ACSBG1: variants seen among roughly 807,000 people sequenced by gnomAD.
The protein encoded by ACSBG1 is long-chain-fatty-acid--CoA ligase ACSBG1.
In ACSBG1, 39 loss-of-function variants were observed where a neutral mutation model predicts 80.2. The observed-to-expected ratio is 0.49, with a 90% CI of 0.38 to 0.64. The LOEUF is 0.64. Ranked by LOEUF, ACSBG1 falls within the 30% of genes least tolerant of loss-of-function variation. ACSBG1 has a pLI of 0.00. For missense variants in ACSBG1, 828 were observed against 966.4 expected, an observed-to-expected ratio of 0.86 and a Z score of 1.90; for synonymous variants, 392 against 379.5, an observed-to-expected ratio of 1.03 and a Z score of -0.38.
intron 1 of ACSBG1, among the ~76,000 whole-genome samples, chr15:78,229,227 C>T (rs1335900714): frequency 6.6e-6 from 1 of 152,090 alleles, no homozygotes; most frequent in African/African-American, 2.4e-5. Context: ...TAGCGCAATG[C>T]CTGATTATTC....
chr15:78,206,039 C>A (rs1274784220), intron 2 of ACSBG1, among the ~76,000 whole-genome samples: 1 of 150,152 alleles, frequency 6.7e-6, no homozygotes, highest in African/African-American at 2.4e-5. Flanking sequence ...CCAAGGACAC[C>A]AGGGCTGCAG....
Position 78,215,751 on chromosome 15 carries a change from A to AAAGAAAGAAAGAAAGG in ACSBG1, c.132-7650_132-7649insCCTTTCTTTCTTTCTT, listed in dbSNP as rs2075304966. Among the ~76,000 whole-genome samples the AAAGAAAGAAAGAAAGG allele has an allele frequency of 3.4e-5, 5 of 148,778 alleles. 1 individual carries two copies. Among genetic ancestry groups the AAAGAAAGAAAGAAAGG allele is most frequent in the Admixed American group, 3.3e-4 (5 of 15,052 alleles). ...GAAAGAAAGAAAGAAAGAAAGAAAG[A>AAAGAAAGAAAGAAAGG]AAGAAAGAAAGAAAGAAAGAAAGAA... On this transcript the variant is annotated intron_variant, in intron 1 of 13. Transcript: ENST00000258873.
chr15:78,228,573 G>A (rs1384343179), intron 1 of ACSBG1, among the ~76,000 whole-genome samples: 5 of 152,164 alleles, frequency 3.3e-5, no homozygotes, highest in South Asian at 2.1e-4. Flanking sequence ...GAGGACTACC[G>A]CTGGCTTGGG....
intron 8 of ACSBG1, 125 bp from the exon 9 acceptor site, chr15:78,181,061 C>A (rs1012032175): frequency 9.1e-7 from 1 of 1,097,712 alleles, no homozygotes; most frequent in East Asian, 2.6e-5. Flanking sequence ...CACACCTGCA[C>A]GCAAGGGTGG....
At chr15:78,193,897 C>T (rs754136740) in intron 4 of ACSBG1, 35 bp downstream of exon 4, 4 of 1,609,724 alleles carry the variant, frequency 2.5e-6, no homozygotes, top group Admixed American at 1.7e-5. Flanking sequence ...CACTGCCAAC[C>T]CCCTGGAGAC....
intron 1 of ACSBG1, among the ~76,000 whole-genome samples, chr15:78,233,940 C>T (rs1487709487): frequency 1.3e-5 from 2 of 152,240 alleles, no homozygotes; most frequent in Admixed American, 1.3e-4. Flanking sequence ...AGGGAAGCTA[C>T]AGCCCACGGA....
At chr15:78,180,364 AG>A (rs761607452) in intron 9 of ACSBG1, among the ~76,000 whole-genome samples, 22 of 152,342 alleles carry the variant, frequency 1.4e-4, no homozygotes, top group Non-Finnish European at 2.8e-4. Context: ...AAAGATAGAA[AG>A]GGCAAAATAT....
intron 2 of ACSBG1, among the ~76,000 whole-genome samples, chr15:78,199,366 T>C (rs533584003): frequency 1.2e-3 from 176 of 150,546 alleles, no homozygotes; most frequent in South Asian, 3.3e-3. Context: ...ATTACAGGCA[T>C]GAGCCACTGT....
intron 1 of ACSBG1, among the ~76,000 whole-genome samples, chr15:78,218,965 C>G (rs181775241): frequency 6.6e-6 from 1 of 152,116 alleles, no homozygotes; most frequent in African/African-American, 2.4e-5. Flanking sequence ...GCGCCCACCA[C>G]CATGCCTGGC....
chr15:78,227,397 T>C (rs185871386), intron 1 of ACSBG1, among the ~76,000 whole-genome samples: 1 of 151,750 alleles, frequency 6.6e-6, no homozygotes. Context: ...AGCTAAAGAT[T>C]TGAAAAGATA....
In ACSBG1 at chr15:78,179,628, C is replaced by G. The variant is rs748664490; in HGVS notation, c.1406G>C (p.Arg469Pro). ...ACTGAGGCCGTAGCCCGCATACAAG[C>G]GGATGTTGAGACCCAGGAAGAAGTG... The part of the protein sequence containing the change: ...TQHFFLGLNI[R>P]LYAGYGLSET... Residue 469 changes from arginine to proline, a missense_variant, in exon 10 of 14, where the codon CGC becomes CCC. Physicochemically the swap from Arg to Pro is moderately radical, Grantham distance 103. This residue lies in a region of ACSBG1 where 271 missense variants were observed against 375.9 expected (regional missense o/e 0.72). Coordinates refer to ENST00000258873, the MANE Select transcript of ACSBG1 (RefSeq NM_015162.5). 6.2e-7 allele frequency: 1 copy of G among 1,614,164 alleles called. No homozygotes were observed. The highest frequency in any genetic ancestry group is 1.6e-4 in the Middle Eastern group (1 of 6,062).
chr15:78,203,131 C>T (rs1440978135), intron 2 of ACSBG1, among the ~76,000 whole-genome samples: 2 of 152,206 alleles, frequency 1.3e-5, no homozygotes, highest in East Asian at 1.9e-4. Context: ...AGGATGACTG[C>T]CAGTCCTTAA....
intron 2 of ACSBG1, among the ~76,000 whole-genome samples, chr15:78,203,674 C>T (rs1183440638): frequency 6.6e-6 from 1 of 152,240 alleles, no homozygotes; most frequent in Non-Finnish European, 1.5e-5. Flanking sequence ...AAGGCAGTCA[C>T]TCAATTAGCC....
At chr15:78,221,211 C>T (rs772724287) in intron 1 of ACSBG1, among the ~76,000 whole-genome samples, 3 of 152,052 alleles carry the variant, frequency 2.0e-5, no homozygotes, top group Non-Finnish European at 4.4e-5. Flanking sequence ...CGGCGCCGGT[C>T]TCTGAGTTCC....
chr15:78,222,484 G>A (rs1046808602), intron 1 of ACSBG1, among the ~76,000 whole-genome samples: 1 of 152,122 alleles, frequency 6.6e-6, no homozygotes, highest in African/African-American at 2.4e-5. Flanking sequence ...GCAACATGGT[G>A]AAACCCTGTC....
In ACSBG1 at chr15:78,170,797, T is replaced by C. The variant is rs1296037647; in HGVS notation, c.*647A>G. The C allele has an allele frequency of 1.3e-5, 2 of 152,834 alleles. No homozygotes were observed. The highest frequency in any genetic ancestry group is 2.9e-5 in the Non-Finnish European group (2 of 68,206). 9.5% of individuals were successfully genotyped at this position (152,834 alleles called of 1,614,324 possible). ...CCTGTGAGTTAAATGCCCACTACTC[T>C]CTGCACTGGTCCCACCTGCTCAATT... On this transcript the variant is annotated 3_prime_UTR_variant, in exon 14 of 14. Transcript: ENST00000258873.
chr15:78,218,449 G>A (rs2075330643), intron 1 of ACSBG1, among the ~76,000 whole-genome samples: 1 of 152,190 alleles, frequency 6.6e-6, no homozygotes, highest in African/African-American at 2.4e-5. Context: ...ACACGTGAGA[G>A]GCAGCTCTGA....
chr15:78,193,682 T>TCCCCCCCCCCCCCCACAGGAGGC, intron 4 of ACSBG1, 56 bp from the exon 5 acceptor site: 1 of 1,560,274 alleles, frequency 6.4e-7, no homozygotes. Context: ...GCCACCCCCT[T>TCCCCCCCCCCCCCCACAGGAGGC]CCCCCACCCC....
intron 5 of ACSBG1, among the ~76,000 whole-genome samples, chr15:78,183,796 T>C (rs957707942): frequency 2.0e-5 from 3 of 147,360 alleles, no homozygotes; most frequent in Admixed American, 7.0e-5. Flanking sequence ...TGATCCCAGC[T>C]ACTTGGGAGG....
Sources: allele counts gnomAD v4.1 joint callset (sites outside exome capture counted in the v4.1 genomes callset), GRCh38; gene constraint gnomAD v4.1.1; regional missense constraint gnomAD v4.1.1; transcripts MANE v1.5; gene names NCBI Gene and HGNC (gene_info 2026-07-23, HGNC 2026-07-21).